IL1RAPL2: variants seen among roughly 807,000 people sequenced by gnomAD.
IL1RAPL2 encodes interleukin 1 receptor accessory protein like 2.
IL1RAPL2 carries 3 observed loss-of-function variants against 44.1 expected under a neutral mutation model. The observed-to-expected ratio is 0.07, with a 90% confidence interval of 0.03 to 0.18. The LOEUF (loss-of-function observed/expected upper bound fraction) is 0.18. Ranked by LOEUF, IL1RAPL2 falls within the 10% of genes least tolerant of loss-of-function variation. The pLI is 1.00. For missense variants in IL1RAPL2, 391 were observed against 496.4 expected (o/e 0.79, Z 2.02); for synonymous variants, 181 against 178.8 (o/e 1.01, Z -0.10).
intron 2 of IL1RAPL2, among the ~76,000 whole-genome samples, chrX:104,954,987 C>T (rs934205546): frequency 5.3e-5 from 6 of 112,756 alleles, no homozygotes; most frequent in Non-Finnish European, 9.4e-5. Context: ...GGCAGTTCTG[C>T]AGTCATATTT....
chrX:105,696,803 G>GA (rs753879078), intron 6 of IL1RAPL2, among the ~76,000 whole-genome samples: 10 of 111,721 alleles, frequency 9.0e-5, no homozygotes, highest in Non-Finnish European at 1.9e-4. Context: ...GGGTTTCTGG[G>GA]AGCCAGGTGT....
chrX:105,178,040 A>G (rs1569398098), intron 2 of IL1RAPL2, among the ~76,000 whole-genome samples: 1 of 111,875 alleles, frequency 8.9e-6, no homozygotes, highest in Non-Finnish European at 1.9e-5. Context: ...GTTTTTAGCT[A>G]TAGTCACCTT....
At chrX:104,715,038 T>C (rs2147560057) in intron 2 of IL1RAPL2, among the ~76,000 whole-genome samples, 1 of 110,788 alleles carries the variant, frequency 9.0e-6, no homozygotes, top group South Asian at 3.8e-4. Flanking sequence ...TTTTTGGGAA[T>C]ATTTTCAGTA....
chrX:104,807,151 C>T (rs916234824), intron 2 of IL1RAPL2, among the ~76,000 whole-genome samples: 1 of 110,916 alleles, frequency 9.0e-6, no homozygotes, highest in Admixed American at 9.6e-5. Flanking sequence ...ACACCACTTG[C>T]TTGAAATAAG....
At chrX:105,093,810 C>T (rs892493640) in intron 2 of IL1RAPL2, among the ~76,000 whole-genome samples, 1 of 111,703 alleles carries the variant, frequency 9.0e-6, no homozygotes, top group South Asian at 3.7e-4. Context: ...CCAACTCCAC[C>T]GTTAACTATG....
intron 2 of IL1RAPL2, among the ~76,000 whole-genome samples, chrX:104,761,442 T>TA (rs763506799): frequency 2.7e-5 from 3 of 110,843 alleles, no homozygotes; most frequent in South Asian, 8.0e-4. Context: ...TTATGGGAGA[T>TA]AAAATTCAAG....
chrX:105,021,685 G>C (rs905072390), intron 2 of IL1RAPL2, among the ~76,000 whole-genome samples: 1 of 111,379 alleles, frequency 9.0e-6, no homozygotes, highest in Non-Finnish European at 1.9e-5. Context: ...ACTCTATTAA[G>C]TTTACTTGTT....
At chrX:105,731,737 A>G (rs2038408083) in intron 7 of IL1RAPL2, among the ~76,000 whole-genome samples, 1 of 111,363 alleles carries the variant, frequency 9.0e-6, no homozygotes, top group Non-Finnish European at 1.9e-5. Flanking sequence ...AAGTAAAAAA[A>G]ATTGATTTCA....
chrX:105,052,792 G>A (rs1044282598), intron 2 of IL1RAPL2, among the ~76,000 whole-genome samples: 5 of 109,623 alleles, frequency 4.6e-5, no homozygotes, highest in African/African-American at 1.7e-4. Flanking sequence ...ATGTGCCATG[G>A]TGGTTTGCTG....
intron 2 of IL1RAPL2, among the ~76,000 whole-genome samples, chrX:104,966,982 A>T (rs2030136194): frequency 8.9e-6 from 1 of 112,647 alleles, no homozygotes; most frequent in African/African-American, 3.2e-5. Context: ...ACATGCCAAA[A>T]ACAGGCAGTA....
chrX:105,563,677 ATAT>A lies in IL1RAPL2; in HGVS notation c.772+79294_772+79296del, dbSNP rs773489640. Among the ~76,000 whole-genome samples, 5 of 111,958 alleles carry A rather than the reference ATAT, an allele frequency of 4.5e-5. No individual in the cohort carries two copies. In the South Asian group the frequency reaches 1.9e-3, roughly 42 times the overall value. On this transcript the variant is annotated intron_variant, in intron 6 of 10. Coordinates refer to ENST00000372582, the MANE Select transcript of IL1RAPL2 (RefSeq NM_017416.2). ...AAAGTCTCATGGGAACAAAGGACCA[ATAT>A]TATGAATTTGAGTTAGTCTGTCACC...
intron 2 of IL1RAPL2, among the ~76,000 whole-genome samples, chrX:105,003,549 C>CT (rs1053963624): frequency 3.3e-4 from 37 of 111,047 alleles, no homozygotes; most frequent in African/African-American, 1.1e-3. Context: ...AAGATAATTA[C>CT]TTTTTTTATC....
At chrX:105,030,263 G>A (rs1465099605) in intron 2 of IL1RAPL2, among the ~76,000 whole-genome samples, 3 of 111,007 alleles carry the variant, frequency 2.7e-5, no homozygotes, top group Non-Finnish European at 5.7e-5. Context: ...GATCCCATTT[G>A]TCAATTTTGG....
chrX:105,750,278 C>CTTT (rs11385087), intron 9 of IL1RAPL2, among the ~76,000 whole-genome samples: 4 of 84,564 alleles, frequency 4.7e-5, no homozygotes, highest in Non-Finnish European at 6.6e-5. Flanking sequence ...TTTGTTTTGT[C>CTTT]TTTTTTTTTT....
intron 6 of IL1RAPL2, among the ~76,000 whole-genome samples, chrX:105,503,527 A>G (rs913876596): frequency 3.6e-5 from 4 of 111,485 alleles, no homozygotes; most frequent in Non-Finnish European, 7.5e-5. Flanking sequence ...GATTAAACTG[A>G]AATAAAATAT....
chrX:104,611,395 T>C (rs1439887698), intron 1 of IL1RAPL2, among the ~76,000 whole-genome samples: 1 of 111,143 alleles, frequency 9.0e-6, no homozygotes, highest in African/African-American at 3.3e-5. Flanking sequence ...CTTGCTGAGC[T>C]GTGGTGGGCT....
chrX:105,035,333 C>G (rs2031609052), intron 2 of IL1RAPL2, among the ~76,000 whole-genome samples: 2 of 112,117 alleles, frequency 1.8e-5, no homozygotes. Flanking sequence ...TGCTGTGTCA[C>G]TCACGCTAGG....
chrX:105,221,171 G>A (rs1556181526), intron 3 of IL1RAPL2, among the ~76,000 whole-genome samples: 1 of 111,505 alleles, frequency 9.0e-6, no homozygotes, highest in African/African-American at 3.3e-5. Context: ...TAGCACAAAA[G>A]CAGCCATAAA....
At chrX:104,833,577 G>T (rs1475091466) in intron 2 of IL1RAPL2, among the ~76,000 whole-genome samples, 1 of 111,798 alleles carries the variant, frequency 8.9e-6, no homozygotes, top group Non-Finnish European at 1.9e-5. Flanking sequence ...TGTGCATATG[G>T]TTCTACCAGA....
Sources: gnomAD v4.1 joint callset for allele counts (sites outside exome capture counted in the v4.1 genomes callset) on GRCh38, gnomAD v4.1.1 for gene constraint, MANE v1.5 for transcripts, NCBI Gene and HGNC (gene_info 2026-07-23, HGNC 2026-07-21) for gene names.